Variants in TENM4 observed in about 807,000 individuals in gnomAD.
The protein encoded by TENM4 is teneurin-4.
Under a neutral mutation model 243.3 loss-of-function variants are expected in TENM4, and 82 were observed. That is an observed-to-expected ratio of 0.34 (90% CI 0.28 to 0.40). The LOEUF (loss-of-function observed/expected upper bound fraction) is 0.40. Among genes scored for constraint, TENM4 ranks in the 10% least tolerant of loss-of-function variants. TENM4 has a pLI of 1.00. For synonymous variants in TENM4, 1,412 were observed against 1,456.3 expected (o/e 0.97, Z 0.69); for missense variants, 3,138 against 3,673.3 (o/e 0.85, Z 3.77).
chr11:79,134,245 C>A (rs534979441), intron 4 of TENM4, among the ~76,000 whole-genome samples: 1 of 152,150 alleles, frequency 6.6e-6, no homozygotes, highest in African/African-American at 2.4e-5. Flanking sequence ...ACTCCTTTTA[C>A]AATAGCTGCA....
chr11:79,387,401 T>C (rs1399025052), intron 1 of TENM4, among the ~76,000 whole-genome samples: 1 of 152,210 alleles, frequency 6.6e-6, no homozygotes, highest in Non-Finnish European at 1.5e-5. Context: ...ATTATGTCCA[T>C]AAAAAGTTTA....
At chr11:79,240,610 T>C (rs1413225235) in intron 2 of TENM4, among the ~76,000 whole-genome samples, 1 of 152,190 alleles carries the variant, frequency 6.6e-6, no homozygotes, top group Non-Finnish European at 1.5e-5. Flanking sequence ...AGTAACCATT[T>C]ACTGGTAAAT....
chr11:79,077,118 G>A (rs945979513), intron 4 of TENM4, among the ~76,000 whole-genome samples: 9 of 152,140 alleles, frequency 5.9e-5, no homozygotes, highest in Non-Finnish European at 8.8e-5. Flanking sequence ...CCAAGGAGGC[G>A]TCATAGGAGA....
Position 79,367,166 on chromosome 11 carries a change from T to C in TENM4, c.-320-69623A>G, listed in dbSNP as rs372368053. Among the ~76,000 whole-genome samples the C allele has an allele frequency of 8.1e-4, 123 of 152,294 alleles. 3 individuals are homozygous for C. The South Asian group carries it at 0.024, about 29-fold the overall frequency. On this transcript the variant is annotated intron_variant, in intron 1 of 33. Coordinates refer to ENST00000278550, the MANE Select transcript of TENM4 (RefSeq NM_001098816.3). ...TGGCTCCATTTCCTTATCTGTAAAATTGGGAAACTAAGGGCTAATTCACAT... is the reference window on the plus strand; with the variant it reads ...TGGCTCCATTTCCTTATCTGTAAAACTGGGAAACTAAGGGCTAATTCACAT...
At chr11:79,178,952 A>G (rs529120852) in intron 3 of TENM4, among the ~76,000 whole-genome samples, 1 of 152,364 alleles carries the variant, frequency 6.6e-6, no homozygotes, top group African/African-American at 2.4e-5. Context: ...AGGAAATCAA[A>G]TAAAAAATTG....
At chr11:78,958,250 C>T (rs985379520) in intron 6 of TENM4, among the ~76,000 whole-genome samples, 7 of 152,242 alleles carry the variant, frequency 4.6e-5, no homozygotes, top group African/African-American at 1.7e-4. Context: ...TCTCTCAGAG[C>T]TATTTATTCC....
At chr11:78,764,530 A>AT (rs1250867799) in intron 18 of TENM4, among the ~76,000 whole-genome samples, 6 of 152,192 alleles carry the variant, frequency 3.9e-5, no homozygotes, top group East Asian at 1.9e-4. Context: ...AAATGCATGC[A>AT]TTTTTTTATG....
At chr11:78,804,199 T>C (rs987540885) in intron 15 of TENM4, among the ~76,000 whole-genome samples, 4 of 152,188 alleles carry the variant, frequency 2.6e-5, no homozygotes, top group African/African-American at 7.2e-5. Context: ...CTTTTTAGCT[T>C]TTTGTCCCTG....
intron 3 of TENM4, among the ~76,000 whole-genome samples, chr11:79,152,762 G>C (rs1053723344): frequency 6.6e-6 from 1 of 152,128 alleles, no homozygotes; most frequent in African/African-American, 2.4e-5. Flanking sequence ...TGAGCTCTGG[G>C]CTCCCTGAAG....
chr11:79,333,571 T>G (rs1451870900), intron 1 of TENM4, among the ~76,000 whole-genome samples: 1 of 152,188 alleles, frequency 6.6e-6, no homozygotes, highest in Non-Finnish European at 1.5e-5. Flanking sequence ...TGACAGAGCC[T>G]ATGCACATAG....
At chr11:78,777,187 T>C (rs1000999627) in intron 17 of TENM4, among the ~76,000 whole-genome samples, 1 of 152,140 alleles carries the variant, frequency 6.6e-6, no homozygotes, top group South Asian at 2.1e-4. Flanking sequence ...TGATAATGTG[T>C]GAAATGCCTG....
intron 6 of TENM4, among the ~76,000 whole-genome samples, chr11:79,020,788 C>T (rs1858905491): frequency 6.6e-6 from 1 of 152,174 alleles, no homozygotes; most frequent in East Asian, 1.9e-4. Flanking sequence ...TTCCTCTTCC[C>T]CTGAACTGCT....
chr11:78,921,453 G>A (rs1156242372), intron 6 of TENM4, among the ~76,000 whole-genome samples: 2 of 152,158 alleles, frequency 1.3e-5, no homozygotes, highest in African/African-American at 2.4e-5. Context: ...TCTAGATGTC[G>A]AAAGCCTCCA....
chr11:79,224,099 A>G (rs958516953), intron 2 of TENM4, among the ~76,000 whole-genome samples: 4 of 152,078 alleles, frequency 2.6e-5, no homozygotes, highest in Admixed American at 6.6e-5. Flanking sequence ...CTCTCCTCTC[A>G]CCATCTCTAT....
chr11:78,818,463 A>T (rs187067926), intron 12 of TENM4, among the ~76,000 whole-genome samples: 1 of 152,366 alleles, frequency 6.6e-6, no homozygotes, highest in East Asian at 1.9e-4. Flanking sequence ...GGTGTTAGAG[A>T]AGGCAGAAGT....
intron 3 of TENM4, among the ~76,000 whole-genome samples, chr11:79,189,423 A>G (rs1366255231): frequency 6.6e-6 from 1 of 152,228 alleles, no homozygotes; most frequent in Admixed American, 6.5e-5. Flanking sequence ...GTGAAGGAGT[A>G]TGCTTCCTAA....
chr11:78,740,743 C>G (rs1855911423), intron 19 of TENM4, among the ~76,000 whole-genome samples: 1 of 152,222 alleles, frequency 6.6e-6, no homozygotes, highest in Non-Finnish European at 1.5e-5. Flanking sequence ...GGACAGAAAC[C>G]AGTCCTGGGG....
chr11:78,720,337 G>T lies in TENM4; in HGVS notation c.3821+33C>A, dbSNP rs777894366. On this transcript the variant is annotated intron_variant, in intron 25 of 33. Transcript: ENST00000278550. ...CCATACAGCATGCAACAAGGCAGGG[G>T]TGAGGCAGGAAATTCTCCACTGGTT... 7 of 1,613,216 alleles carry T rather than the reference G, an allele frequency of 4.3e-6. No individual in the cohort carries two copies. In the South Asian group the frequency reaches 6.6e-5, roughly 15 times the overall value.
intron 9 of TENM4, among the ~76,000 whole-genome samples, chr11:78,875,469 G>T (rs761233603): frequency 1.3e-5 from 2 of 152,164 alleles, no homozygotes; most frequent in Non-Finnish European, 2.9e-5. Context: ...CTCCCAAAAC[G>T]CTAGGATTAC....
Sources: allele counts gnomAD v4.1 joint callset (sites outside exome capture counted in the v4.1 genomes callset), GRCh38; gene constraint gnomAD v4.1.1; transcripts MANE v1.5; gene names NCBI Gene and HGNC (gene_info 2026-07-23, HGNC 2026-07-21).